TRIM41: variants seen among roughly 807,000 people sequenced by gnomAD.
TRIM41 encodes tripartite motif containing 41.
In TRIM41, 21 loss-of-function variants were observed where a neutral mutation model predicts 60.6. That is an observed-to-expected ratio of 0.35 (90% CI 0.25 to 0.50). The LOEUF is 0.50. Among genes scored for constraint, TRIM41 ranks in the 20% least tolerant of loss-of-function variants. The pLI, the probability that TRIM41 is intolerant of heterozygous loss-of-function variation, is 0.98. For synonymous variants in TRIM41, 407 were observed against 344.9 expected, an observed-to-expected ratio of 1.18 and a Z score of -2.00; for missense variants, 846 against 868.3, an observed-to-expected ratio of 0.97 and a Z score of 0.32.
At chr5:181,228,309 C>G (rs1758638996) in intron 1 of TRIM41, 1 of 151,916 alleles carries the variant, frequency 6.6e-6, no homozygotes, top group African/African-American at 2.4e-5. Context: ...CCTGTAATCC[C>G]AGCACTTTGG....
chr5:181,224,026 C>T lies in TRIM41; in HGVS notation c.27C>T (p.Asn9=), dbSNP rs922706423. 6.2e-6 allele frequency: 10 copies of T among 1,614,060 alleles called. No homozygotes were observed. The highest frequency in any genetic ancestry group is 1.7e-5 in the Admixed American group (1 of 60,032). The change falls in exon 1 of 6, where the codon AAC becomes AAT. Residue 9 remains asparagine, a synonymous_variant. Transcript: ENST00000315073. ...TGGCTGCCGTTGCCATGACACCCAA[C>T]CCTGTGCAGACCCTTCAGGAGGAGG... The part of the protein sequence containing the change: MAAVAMTP[N]PVQTLQEEAV...
rs755016862 is a variant in TRIM41, at chr5:181,224,364, A to G, written c.365A>G (p.Tyr122Cys). The G allele has an allele frequency of 1.2e-5, 20 of 1,612,626 alleles. 2 individuals are homozygous for G. The South Asian group carries it at 1.3e-4, about 11-fold the overall frequency. The change falls in exon 1 of 6, where the codon TAT becomes TGT. Residue 122 changes from tyrosine to cysteine, a missense_variant. By Grantham distance (194) the Tyr-to-Cys change is radical. Transcript: ENST00000315073. ...MSRSSWDNMD[Y>C]VWEEEDEEED... ...AGGTCCAGCTGGGACAACATGGACT[A>G]TGTGTGGGAGGAGGAGGACGAGGAG... is the stretch of plus-strand genomic sequence containing the variant.
chr5:181,234,948 C>T lies in TRIM41; in HGVS notation c.*173C>T. ...TCCCTCTAGGAGCCTAAAGAACCCT[C>T]CTGGCCTCCAGCTCAGCCTTCTCTC... On this transcript the variant is annotated 3_prime_UTR_variant, in exon 6 of 6. Coordinates refer to ENST00000315073, the MANE Select transcript of TRIM41 (RefSeq NM_033549.5). The surrounding 1 kb of genome is among the most constrained non-coding windows in gnomAD (Gnocchi z 5.6). 6.2e-7 allele frequency: 1 copy of T among 1,614,018 alleles called. No individual in the cohort carries two copies. The highest frequency in any genetic ancestry group is 1.1e-5 in the South Asian group (1 of 91,086).
At position 181,223,304 on chromosome 5, in the gene TRIM41, G is replaced by T. The variant is rs746873111; in HGVS notation, c.-696G>T. 2.5e-6 allele frequency: 1 copy of T among 399,024 alleles called. No individual in the cohort carries two copies. The highest frequency in any genetic ancestry group is 4.4e-6 in the Non-Finnish European group (1 of 226,436). The allele number at this position is 399,024 out of a possible 1,614,324, so 24.7% of individuals were successfully genotyped here. A position where few individuals can be genotyped will look rare whatever the true frequency, so the allele number is the denominator to read the frequency against. ...TCGCTTCCGGCATCGGCTGTGGGGA[G>T]TACCGGCTGCAGTCGGCTGTGCCGG... On this transcript the variant is annotated 5_prime_UTR_variant, in exon 1 of 6. Transcript: ENST00000315073.
intron 1 of TRIM41, chr5:181,226,066 C>T (rs183087240): frequency 6.6e-6 from 1 of 152,158 alleles, no homozygotes; most frequent in East Asian, 1.9e-4. Context: ...ACCTACATTA[C>T]CTCATCACAA....
In TRIM41 at chr5:181,224,378, G is replaced by C; in HGVS notation, c.379G>C (p.Glu127Gln). 3 of 1,612,770 alleles carry C rather than the reference G, an allele frequency of 1.9e-6. No homozygotes were observed. Among genetic ancestry groups the C allele is most frequent in the Non-Finnish European group, 2.5e-6 (3 of 1,178,872 alleles). The change falls in exon 1 of 6, where the codon GAG becomes CAG. Residue 127 changes from glutamate to glutamine, a missense_variant. By Grantham distance (29) the Glu-to-Gln change is conservative (BLOSUM62 2). Coordinates refer to ENST00000315073, the MANE Select transcript of TRIM41 (RefSeq NM_033549.5). ...WDNMDYVWEE[E>Q]DEEEDLDYYL... ...CAACATGGACTATGTGTGGGAGGAGGAGGACGAGGAGGAAGACCTGGACTA... is the reference window on the plus strand; with the variant it reads ...CAACATGGACTATGTGTGGGAGGAGCAGGACGAGGAGGAAGACCTGGACTA...
intron 1 of TRIM41, chr5:181,227,228 A>T (rs1008029725): frequency 4.3e-4 from 66 of 152,244 alleles, no homozygotes; most frequent in African/African-American, 1.6e-3. Flanking sequence ...GGCCATATAC[A>T]CATATTTAAT....
rs140597614 is a variant in TRIM41 at position 181,234,188 on chromosome 5, G to A, written c.1306G>A (p.Asp436Asn). Residue 436 changes from aspartate to asparagine, a missense_variant, in exon 6 of 6, where the codon GAC (aspartate) becomes AAC (asparagine). By Grantham distance (23) the Asp-to-Asn change is conservative. Coordinates refer to ENST00000315073, the MANE Select transcript of TRIM41 (RefSeq NM_033549.5). This position sits in a 1 kb window ranked among gnomAD's most constrained non-coding sequence, Gnocchi z 5.6. ...TCCCTCCCAAGTGGACCTGACGCTG[G>A]ACCCTGACACGGCTCACCCGGCCCT... is the stretch of plus-strand genomic sequence containing the variant. ...CQAARVDLTL[D>N]PDTAHPALML... 1.6e-5 allele frequency: 25 copies of A among 1,611,798 alleles called. No homozygotes were observed. The African/African-American group carries it at 3.1e-4, about 20-fold the overall frequency.
rs1758969167 is a variant in TRIM41 at position 181,234,401 on chromosome 5, A to G, written c.1519A>G (p.Thr507Ala). 1 of 1,560,946 alleles carries G rather than the reference A, an allele frequency of 6.4e-7. No individual in the cohort carries two copies. The highest frequency in any genetic ancestry group is 1.2e-5 in the South Asian group (1 of 85,760). Residue 507 changes from threonine (T) to alanine (A), a missense_variant, in exon 6 of 6, where the codon ACC becomes GCC. Thr to Ala is a moderately conservative substitution (Grantham distance 58). Coordinates refer to ENST00000315073, the MANE Select transcript of TRIM41 (RefSeq NM_033549.5). This position sits in a 1 kb window ranked among gnomAD's most constrained non-coding sequence, Gnocchi z 5.6. Reference sequence around the variant, plus strand: ...GGCGGTGGGTGCTGCCCGTGAATCAACCCATCATAAGGAAAAGGTGGGCCC... The same window carrying G: ...GGCGGTGGGTGCTGCCCGTGAATCAGCCCATCATAAGGAAAAGGTGGGCCC... Reference protein sequence around the residue: ...GWAVGAARESTHHKEKVGPGG... With the variant: ...GWAVGAARESAHHKEKVGPGG...
Position 181,235,450 on chromosome 5 carries a change from C to G in TRIM41, c.*675C>G, listed in dbSNP as rs1021180967. Reference sequence around the variant, plus strand: ...ATCATCATTACATTAATTACATCAACATAAATTATTTCTTCCCCCTTCCCT... The same window carrying G: ...ATCATCATTACATTAATTACATCAAGATAAATTATTTCTTCCCCCTTCCCT... On this transcript the variant is annotated 3_prime_UTR_variant, in exon 6 of 6. Coordinates refer to ENST00000315073, the MANE Select transcript of TRIM41 (RefSeq NM_033549.5). 1 of 1,607,330 alleles carries G rather than the reference C, an allele frequency of 6.2e-7. No homozygotes were observed. The highest frequency in any genetic ancestry group is 1.7e-5 in the Admixed American group (1 of 59,460).
At position 181,224,381 on chromosome 5, in the gene TRIM41, G is replaced by T. The variant is rs374878107; in HGVS notation, c.382G>T (p.Asp128Tyr). 6.2e-7 allele frequency: 1 copy of T among 1,612,816 alleles called. No homozygotes were observed. The change falls in exon 1 of 6, where the codon GAC (aspartate) becomes TAC (tyrosine). Residue 128 changes from aspartate to tyrosine, a missense_variant. By Grantham distance (160) the Asp-to-Tyr change is radical (BLOSUM62 -3). Transcript: ENST00000315073. ...DNMDYVWEEE[D>Y]EEEDLDYYLG... The stretch of plus-strand genomic sequence containing the variant: ...CATGGACTATGTGTGGGAGGAGGAG[G>T]ACGAGGAGGAAGACCTGGACTACTA...
In TRIM41 at chr5:181,223,624, C is replaced by T. The variant is rs552076717; in HGVS notation, c.-376C>T. The T allele has an allele frequency of 4.2e-6, 2 of 471,096 alleles. No individual in the cohort carries two copies. Among genetic ancestry groups the T allele is most frequent in the East Asian group, 6.2e-5 (2 of 32,258 alleles). 29.2% of individuals were successfully genotyped at this position (471,096 alleles called of 1,614,324 possible). On this transcript the variant is annotated 5_prime_UTR_variant, in exon 1 of 6. Transcript: ENST00000315073. ...CAGGACAGCGGAGGGAAGTCGCGAGCTTAGGTGGTGTGTAGACGCCGGAAG... is the reference window on the plus strand; with the variant it reads ...CAGGACAGCGGAGGGAAGTCGCGAGTTTAGGTGGTGTGTAGACGCCGGAAG...
At chr5:181,231,957 A>G (rs1368593152) in intron 2 of TRIM41, 1 of 152,196 alleles carries the variant, frequency 6.6e-6, no homozygotes, top group Non-Finnish European at 1.5e-5. Flanking sequence ...CCTACATAAT[A>G]TCCTTGATTT....
rs2113140322 is a variant in TRIM41 at position 181,224,082 on chromosome 5, C to T, written c.83C>T (p.Thr28Met). 4 of 1,614,242 alleles carry T rather than the reference C, an allele frequency of 2.5e-6. No homozygotes were observed. Among genetic ancestry groups the T allele is most frequent in the East Asian group, 4.5e-5 (2 of 44,888 alleles). Residue 28 changes from threonine to methionine, a missense_variant, in exon 1 of 6, where the codon ACG becomes ATG. Coordinates refer to ENST00000315073, the MANE Select transcript of TRIM41 (RefSeq NM_033549.5). ...AVCAICLDYFTDPVSIGCGHN... is the reference protein window; with the variant it reads ...AVCAICLDYFMDPVSIGCGHN... ...TGCGCCATCTGCCTCGATTACTTCA[C>T]GGACCCCGTGTCCATCGGCTGCGGG...
rs1266337034 is a variant in TRIM41, at chr5:181,234,592, G to A, written c.1710G>A (p.Leu570=). The A allele has an allele frequency of 2.5e-6, 4 of 1,614,230 alleles. No homozygotes were observed. Among genetic ancestry groups the A allele is most frequent in the Non-Finnish European group, 3.4e-6 (4 of 1,180,036 alleles). Reference sequence around the variant, plus strand: ...AGAGCTCCACAGAACAGACGCTGCTGAGCCCCAGTGAGAAACCAAGGCGCT... The same window carrying A: ...AGAGCTCCACAGAACAGACGCTGCTAAGCCCCAGTGAGAAACCAAGGCGCT... The part of the protein sequence containing the change: ...QAQSSTEQTL[L]SPSEKPRRFG... The change falls in exon 6 of 6, where the codon CTG becomes CTA. Residue 570 remains leucine, a synonymous_variant. Transcript: ENST00000315073. The surrounding 1 kb of genome is among the most constrained non-coding windows in gnomAD (Gnocchi z 5.6).
chr5:181,233,528 C>T lies in TRIM41; in HGVS notation c.1163+93C>T. 1.2e-6 allele frequency: 2 copies of T among 1,611,722 alleles called. No homozygotes were observed. Among genetic ancestry groups the T allele is most frequent in the South Asian group, 1.1e-5 (1 of 90,982 alleles). On this transcript the variant is annotated intron_variant, in intron 4 of 5. Coordinates refer to ENST00000315073, the MANE Select transcript of TRIM41 (RefSeq NM_033549.5). The surrounding 1 kb of genome is among the most constrained non-coding windows in gnomAD (Gnocchi z 4.1). ...TATCCCTCTCCTCTCCTTCCTTCCC[C>T]AGGACCTGAGTTTCCATCTCCTGGA...
At chr5:181,230,649 C>T in intron 1 of TRIM41, 95 bp from the exon 2 acceptor site, 2 of 953,066 alleles carry the variant, frequency 2.1e-6, no homozygotes, top group Non-Finnish European at 1.6e-6. Flanking sequence ...AGGGATCAGG[C>T]TTTGACCCAT....
At chr5:181,230,151 C>T (rs1037762572) in intron 1 of TRIM41, 1 of 152,308 alleles carries the variant, frequency 6.6e-6, no homozygotes, top group Non-Finnish European at 1.5e-5. Context: ...TTCCCCTCAG[C>T]TGTGAGCGTG....
rs1759032637 is a variant in TRIM41, at chr5:181,235,045, A to C, written c.*270A>C. The C allele has an allele frequency of 1.2e-6, 2 of 1,613,686 alleles. No homozygotes were observed. The highest frequency in any genetic ancestry group is 1.7e-6 in the Non-Finnish European group (2 of 1,180,016). ...GAACAGCTGCCTGGTCTTCTCTCCC[A>C]GTCTGCCTAGCCCAGCCCTGGGACT... is the stretch of plus-strand genomic sequence containing the variant. On this transcript the variant is annotated 3_prime_UTR_variant, in exon 6 of 6. Coordinates refer to ENST00000315073, the MANE Select transcript of TRIM41 (RefSeq NM_033549.5).
Sources: gnomAD v4.1 joint callset for allele counts on GRCh38, gnomAD v4.1.1 for gene constraint, Gnocchi (gnomAD v3.1) non-coding constraint, MANE v1.5 for transcripts, NCBI Gene and HGNC (gene_info 2026-07-23, HGNC 2026-07-21) for gene names.